The following SCLT1 variants were observed in gnomAD, a reference collection of about 807,000 sequenced individuals.
SCLT1 encodes the protein sodium channel and clathrin linker 1, also known as sodium channel-associated protein 1.
In SCLT1, 78 loss-of-function variants were observed where a neutral mutation model predicts 112.8. The ratio of observed to expected loss-of-function variants is 0.69; its 90% CI spans 0.58 to 0.83. SCLT1 has a LOEUF of 0.83. SCLT1 is among the 40% of genes least tolerant of loss of function. The pLI is 0.00. For missense variants in SCLT1, 747 were observed against 770.4 expected, an observed-to-expected ratio of 0.97 and a Z score of 0.36; for synonymous variants, 257 against 254.7, an observed-to-expected ratio of 1.01 and a Z score of -0.09.
chr4:128,875,879 G>A (rs1295446346), intron 4 of SCLT1, among the ~76,000 whole-genome samples: 1 of 152,100 alleles, frequency 6.6e-6, no homozygotes, highest in African/African-American at 2.4e-5. Flanking sequence ...TTCATTAAAT[G>A]CTTTCTTTTG....
chr4:129,088,238 GTAA>G (rs944077478), intron 1 of SCLT1, among the ~76,000 whole-genome samples: 1 of 152,142 alleles, frequency 6.6e-6, no homozygotes, highest in Non-Finnish European at 1.5e-5. Flanking sequence ...ATTAATCAAT[GTAA>G]TTTACTCTAT....
chr4:129,090,112 C>T (rs547830403), intron 1 of SCLT1, among the ~76,000 whole-genome samples: 5 of 152,118 alleles, frequency 3.3e-5, no homozygotes, highest in Non-Finnish European at 5.9e-5. Flanking sequence ...AATTTCAATA[C>T]ATAGGCATAA....
Position 129,093,073 on chromosome 4 carries a change from G to C in SCLT1, c.31C>G (p.Gln11Glu), listed in dbSNP as rs1294991891. ...CTCAAAAAAACATGGAGCTTACTTT[G>C]CTCTCTCAGAAAGTCGATTTCTGCA... MAAEIDFLRE[Q>E]NRRLNEDFRR... The change falls in exon 1 of 21, where the codon CAA (glutamine) becomes GAA (glutamate). Residue 11 changes from glutamine to glutamate, a missense_variant. Around this residue, in one of 2 missense-constraint regions of SCLT1, gnomAD observed 723 missense variants for 721.3 expected, o/e 1.00. Coordinates refer to ENST00000281142, the MANE Select transcript of SCLT1 (RefSeq NM_144643.4). 1.9e-6 allele frequency: 3 copies of C among 1,609,538 alleles called. No individual in the cohort carries two copies. In the Admixed American group the frequency reaches 5.0e-5, roughly 27 times the overall value.
At chr4:128,992,037 C>T (rs1742618040) in intron 9 of SCLT1, 130 bp downstream of exon 9, 7 of 612,214 alleles carry the variant, frequency 1.1e-5, no homozygotes, top group South Asian at 8.2e-5. Flanking sequence ...ATCATATACA[C>T]AAGAAGATAT....
intron 5 of SCLT1, among the ~76,000 whole-genome samples, chr4:129,006,939 A>G (rs1018244353): frequency 6.6e-6 from 1 of 152,176 alleles, no homozygotes; most frequent in Non-Finnish European, 1.5e-5. Flanking sequence ...CGCCGACGTT[A>G]TGTTATTTTC....
chr4:128,976,292 G>A (rs1741170277), intron 9 of SCLT1, among the ~76,000 whole-genome samples: 1 of 152,144 alleles, frequency 6.6e-6, no homozygotes, highest in South Asian at 2.1e-4. Context: ...GGATTCTGAT[G>A]TATATTCACT....
At chr4:128,926,066 G>A (rs1369912863) in intron 18 of SCLT1, among the ~76,000 whole-genome samples, 1 of 151,820 alleles carries the variant, frequency 6.6e-6, no homozygotes, top group Non-Finnish European at 1.5e-5. Flanking sequence ...ATTTCTGGGT[G>A]TGTTTTGATG....
At chr4:128,901,095 T>C (rs553504373) in intron 18 of SCLT1, among the ~76,000 whole-genome samples, 72 of 152,338 alleles carry the variant, frequency 4.7e-4, no homozygotes, top group African/African-American at 1.7e-3. Context: ...AGTTCAACCA[T>C]TGTGGAAGTC....
intron 18 of SCLT1, among the ~76,000 whole-genome samples, chr4:128,915,325 C>G (rs73850031): frequency 0.016 from 2,498 of 152,268 alleles, 54 homozygotes; most frequent in African/African-American, 0.051. Flanking sequence ...ATAATCCTAG[C>G]TGCAATGTTT....
At chr4:128,878,865 A>G (rs1309055345) in intron 3 of SCLT1, among the ~76,000 whole-genome samples, 2 of 152,080 alleles carry the variant, frequency 1.3e-5, no homozygotes, top group South Asian at 2.1e-4. Context: ...ACCAAATCCC[A>G]CTAGATACGA....
At chr4:128,979,165 A>G (rs1222529850) in intron 9 of SCLT1, among the ~76,000 whole-genome samples, 3 of 152,192 alleles carry the variant, frequency 2.0e-5, no homozygotes, top group Non-Finnish European at 4.4e-5. Flanking sequence ...TCATTATAGC[A>G]ATGAGGAAAC....
At chr4:129,062,015 G>A (rs1467666635) in intron 2 of SCLT1, among the ~76,000 whole-genome samples, 1 of 151,788 alleles carries the variant, frequency 6.6e-6, no homozygotes, top group East Asian at 1.9e-4. Flanking sequence ...GTTAATGCAG[G>A]CTGCATTAAC....
intron 3 of SCLT1, among the ~76,000 whole-genome samples, chr4:128,878,646 A>G (rs562762343): frequency 1.3e-5 from 2 of 152,310 alleles, no homozygotes; most frequent in South Asian, 4.1e-4. Flanking sequence ...ATTATGCATT[A>G]TATCACTTTA....
rs562955442 is a variant in SCLT1 at position 129,085,565 on chromosome 4, T to C, written c.35-3192A>G. ...TCTACCACAAAGACACATGAGCATG[T>C]ATGTCCATTGCAACACTATCCACAA... On this transcript the variant is annotated intron_variant, in intron 1 of 20. Coordinates refer to ENST00000281142, the MANE Select transcript of SCLT1 (RefSeq NM_144643.4). Among the ~76,000 whole-genome samples the C allele has an allele frequency of 4.7e-4, 71 of 152,312 alleles. No individual in the cohort carries two copies. The South Asian group carries it at 0.013, about 28-fold the overall frequency.
intron 18 of SCLT1, among the ~76,000 whole-genome samples, chr4:128,908,472 G>A (rs1433507758): frequency 6.6e-6 from 1 of 151,668 alleles, no homozygotes; most frequent in Non-Finnish European, 1.5e-5. Context: ...AAAGTGAAGA[G>A]AATGCCTTAG....
At position 128,889,371 on chromosome 4, in the gene SCLT1, C is replaced by T. The variant is rs150052830; in HGVS notation, c.1909-597G>A. On this transcript the variant is annotated intron_variant, in intron 19 of 20. Transcript: ENST00000281142. ...GGGGAAATTTGGACACAGAGACACACATGTACAAAGGAAAGACAAGTTGAA... is the reference window on the plus strand; with the variant it reads ...GGGGAAATTTGGACACAGAGACACATATGTACAAAGGAAAGACAAGTTGAA... 1.4e-3 allele frequency among the ~76,000 whole-genome samples: 211 copies of T among 152,214 alleles called. 1 individual carries two copies. The highest frequency in any genetic ancestry group is 4.8e-3 in the African/African-American group (200 of 41,532).
intron 5 of SCLT1, among the ~76,000 whole-genome samples, chr4:129,022,170 A>C (rs1745544566): frequency 6.6e-6 from 1 of 152,240 alleles, no homozygotes; most frequent in African/African-American, 2.4e-5. Context: ...AGGTAGATAA[A>C]TCCATGAAGA....
At chr4:128,999,221 G>T (rs1222441436) in intron 7 of SCLT1, among the ~76,000 whole-genome samples, 7 of 151,890 alleles carry the variant, frequency 4.6e-5, no homozygotes, top group African/African-American at 1.7e-4. Context: ...AGACAAAATT[G>T]ACACCTATTT....
chr4:128,970,399 C>A lies in SCLT1; in HGVS notation c.756G>T (p.Leu252=). The change falls in exon 10 of 21, where the codon CTG becomes CTT. Residue 252 remains leucine, a synonymous_variant. Transcript: ENST00000281142. ...VEELTNVTED[L]QGQMKKKEKD... is the part of the protein sequence containing the mutation. Reference sequence around the variant, plus strand: ...ATACCTTCTTTTTCATCTGTCCCTGCAGATCTTCAGTCACATTAGTTAACT... The same window carrying A: ...ATACCTTCTTTTTCATCTGTCCCTGAAGATCTTCAGTCACATTAGTTAACT... The A allele has an allele frequency of 1.9e-6, 3 of 1,594,958 alleles. No individual in the cohort carries two copies. The highest frequency in any genetic ancestry group is 2.6e-6 in the Non-Finnish European group (3 of 1,163,286).
Sources: allele counts gnomAD v4.1 joint callset (sites outside exome capture counted in the v4.1 genomes callset), GRCh38; gene constraint gnomAD v4.1.1; regional missense constraint gnomAD v4.1.1; transcripts MANE v1.5; gene names NCBI Gene and HGNC (gene_info 2026-07-23, HGNC 2026-07-21).